Variants in CNTRL observed in about 807,000 individuals in gnomAD.
CNTRL encodes centriolin, also known as 110 kDa centrosomal protein.
A neutral mutation model predicts 303.7 loss-of-function variants in CNTRL; 233 were observed. That is an observed-to-expected ratio of 0.77 (90% CI 0.69 to 0.86). The LOEUF (loss-of-function observed/expected upper bound fraction) is 0.86, where lower values mean the gene tolerates loss of function less well. CNTRL is among the 40% of genes least tolerant of loss of function. The probability of loss-of-function intolerance (pLI) is 0.00; values close to 1 mark genes in which losing one functional copy is unlikely to be tolerated. For synonymous variants in CNTRL, 900 were observed against 922.2 expected (o/e 0.98, Z 0.44); for missense variants, 2,524 against 2,650.6 (o/e 0.95, Z 1.05).
At chr9:121,127,888 T>C (rs867831997) in intron 14 of CNTRL, among the ~76,000 whole-genome samples, 17 of 147,806 alleles carry the variant, frequency 1.2e-4, no homozygotes, top group Admixed American at 2.1e-4. Context: ...AGTGAGAACA[T>C]GCGGTGTTTG....
chr9:121,084,867 A>G (rs550984200), intron 2 of CNTRL, among the ~76,000 whole-genome samples: 4 of 152,244 alleles, frequency 2.6e-5, no homozygotes, highest in African/African-American at 7.2e-5. Flanking sequence ...TTAAGGACTA[A>G]TCAAGTCACA....
intron 43 of CNTRL, among the ~76,000 whole-genome samples, chr9:121,176,335 TGC>T (rs1285544420): frequency 6.6e-6 from 1 of 152,236 alleles, no homozygotes; most frequent in Non-Finnish European, 1.5e-5. Flanking sequence ...CTCTTTAATG[TGC>T]CCAAGGTGGG....
chr9:121,157,622 T>G (rs367608433), intron 28 of CNTRL, 22 bp downstream of exon 28: 48 of 1,611,560 alleles, frequency 3.0e-5, no homozygotes, highest in Non-Finnish European at 4.1e-5. Flanking sequence ...CCCTAAGCCG[T>G]TGATGTATAC....
intron 4 of CNTRL, among the ~76,000 whole-genome samples, chr9:121,093,696 G>A (rs1008174684): frequency 3.3e-5 from 5 of 152,206 alleles, no homozygotes; most frequent in Non-Finnish European, 2.9e-5. Context: ...ACTCTGGGCA[G>A]CAGGGAAGAA....
intron 2 of CNTRL, among the ~76,000 whole-genome samples, chr9:121,087,388 T>C (rs908715731): frequency 4.6e-5 from 7 of 152,028 alleles, no homozygotes; most frequent in African/African-American, 1.7e-4. Context: ...AAAGATTGGA[T>C]TGAGGTTATA....
At chr9:121,097,999 G>A (rs918816662) in intron 6 of CNTRL, among the ~76,000 whole-genome samples, 8 of 151,976 alleles carry the variant, frequency 5.3e-5, no homozygotes, top group Admixed American at 1.3e-4. Flanking sequence ...TTTTTGATTT[G>A]TTAAATCAGT....
At position 121,162,054 on chromosome 9, in the gene CNTRL, G is replaced by C; in HGVS notation, c.5206G>C (p.Glu1736Gln). Residue 1736 changes from glutamate to glutamine, a missense_variant and splice_region_variant, in exon 34 of 44, where the codon GAG (glutamate) becomes CAG (glutamine). Glu to Gln is a conservative substitution (Grantham distance 29). Transcript: ENST00000373855. ...TTGAGTCCTCTTTTATCTGATTTAG[G>C]AGAAACTGGAGTTAGAGAATTTGCA... ...LEKTQVAVLEEKLELENLQQI... is the reference protein window; with the variant it reads ...LEKTQVAVLEQKLELENLQQI... The C allele has an allele frequency of 6.2e-7, 1 of 1,614,116 alleles. No individual in the cohort carries two copies. Among genetic ancestry groups the C allele is most frequent in the South Asian group, 1.1e-5 (1 of 91,062 alleles).
At position 121,142,202 on chromosome 9, in the gene CNTRL, C is replaced by CTCCA. The variant is rs1247158971; in HGVS notation, c.2804_2807dup (p.Gln936HisfsTer7). 2 of 1,612,302 alleles carry CTCCA rather than the reference C, an allele frequency of 1.2e-6. No individual in the cohort carries two copies. The highest frequency in any genetic ancestry group is 1.7e-6 in the Non-Finnish European group (2 of 1,179,280). The stretch of plus-strand genomic sequence containing the variant: ...GGAGGAAATCCAAGGCCTTACAGAT[C>CTCCA]TCCAACTTCAGGAAGCTGATGAAGA... On this transcript the variant is annotated frameshift_variant, in exon 19 of 44. Transcript: ENST00000373855. LOFTEE classifies it high-confidence loss of function.
chr9:121,161,977 G>T lies in CNTRL; in HGVS notation c.5205+6G>T. 1 of 1,613,566 alleles carries T rather than the reference G, an allele frequency of 6.2e-7. No individual in the cohort carries two copies. The highest frequency in any genetic ancestry group is 1.1e-5 in the South Asian group (1 of 91,034). ...CTCAGGTGGCAGTGCTAGAGGTAATGAACAAAGCCAGTGTACCCTTAAGAA... is the reference window on the plus strand; with the variant it reads ...CTCAGGTGGCAGTGCTAGAGGTAATTAACAAAGCCAGTGTACCCTTAAGAA... On this transcript the variant is annotated splice_donor_region_variant and intron_variant, in intron 33 of 43. Transcript: ENST00000373855.
At chr9:121,096,900 A>C (rs188930501) in intron 6 of CNTRL, among the ~76,000 whole-genome samples, 2 of 152,188 alleles carry the variant, frequency 1.3e-5, no homozygotes, top group African/African-American at 4.8e-5. Context: ...GGACAGGTTA[A>C]GTCCCTTATC....
At chr9:121,153,831 C>T (rs940941285) in intron 26 of CNTRL, among the ~76,000 whole-genome samples, 1 of 152,228 alleles carries the variant, frequency 6.6e-6, no homozygotes, top group Non-Finnish European at 1.5e-5. Context: ...TCACTGCCAT[C>T]TAGCAGCAGA....
intron 17 of CNTRL, 50 bp downstream of exon 17, chr9:121,140,836 G>C (rs766172189): frequency 6.4e-7 from 1 of 1,551,796 alleles, no homozygotes; most frequent in Non-Finnish European, 8.8e-7. Flanking sequence ...CACAACTTGA[G>C]AGTTGTGAGT....
chr9:121,177,105 T>C, intron 43 of CNTRL, 58 bp from the exon 44 acceptor site: 1 of 1,416,878 alleles, frequency 7.1e-7, no homozygotes, highest in East Asian at 2.3e-5. Context: ...ATCACTTAGT[T>C]AAGACTGTTT....
At chr9:121,150,700 A>C (rs1588271092) in intron 25 of CNTRL, 1 of 522,468 alleles carries the variant, frequency 1.9e-6, no homozygotes. Flanking sequence ...AGACTGAGAC[A>C]AGAGGATTGC....
intron 8 of CNTRL, among the ~76,000 whole-genome samples, chr9:121,111,572 T>G (rs2049749007): frequency 6.6e-6 from 1 of 152,172 alleles, no homozygotes; most frequent in Non-Finnish European, 1.5e-5. Flanking sequence ...GCATGTTTTT[T>G]CTTTGATATC....
chr9:121,075,121 G>A (rs1000392379), intron 1 of CNTRL, 54 bp downstream of exon 1: 2 of 357,488 alleles, frequency 5.6e-6, no homozygotes, highest in Admixed American at 3.6e-5. Context: ...CGAGCAGTGG[G>A]GGCCGGCGGC....
In CNTRL at chr9:121,165,037, C is replaced by T. The variant is rs756110954; in HGVS notation, c.5518C>T (p.Gln1840Ter). Residue 1840 changes from glutamine to a stop codon, truncating the protein, a stop_gained, in exon 35 of 44, where the codon CAA (glutamine) becomes TAA (stop). Coordinates refer to ENST00000373855, the MANE Select transcript of CNTRL (RefSeq NM_007018.6). LOFTEE classifies it high-confidence loss of function. Reference sequence around the variant, plus strand: ...CAGAAAACTGCAGCAGGAACTAGACCAACTAAACAGAGACAAGTTGTCACT... The same window carrying T: ...CAGAAAACTGCAGCAGGAACTAGACTAACTAAACAGAGACAAGTTGTCACT... ...NVRKLQQELD[Q>*]LNRDKLSLHN... 1.0e-5 allele frequency: 16 copies of T among 1,607,836 alleles called. No individual in the cohort carries two copies. The highest frequency in any genetic ancestry group is 1.4e-5 in the Non-Finnish European group (16 of 1,177,722).
In CNTRL at chr9:121,134,689, G is replaced by C. The variant is rs552540424; in HGVS notation, c.2026-1117G>C. On this transcript the variant is annotated intron_variant, in intron 14 of 43. Transcript: ENST00000373855. ...ACATGCGTGTGTGAAATCCAGGCTGGTATTCTGTAGATTGAACCACGTTCT... is the reference window on the plus strand; with the variant it reads ...ACATGCGTGTGTGAAATCCAGGCTGCTATTCTGTAGATTGAACCACGTTCT... Among the ~76,000 whole-genome samples the C allele has an allele frequency of 9.8e-5, 15 of 152,302 alleles. No individual in the cohort carries two copies. The East Asian group carries it at 2.9e-3, about 29-fold the overall frequency.
intron 13 of CNTRL, among the ~76,000 whole-genome samples, chr9:121,124,398 C>T (rs140223351): frequency 6.6e-6 from 1 of 152,192 alleles, no homozygotes; most frequent in African/African-American, 2.4e-5. Flanking sequence ...AGCAAAGCAC[C>T]CATTGGCATC....
Sources: gnomAD v4.1 joint callset for allele counts (sites outside exome capture counted in the v4.1 genomes callset) on GRCh38, gnomAD v4.1.1 for gene constraint, MANE v1.5 for transcripts, NCBI Gene and HGNC (gene_info 2026-07-23, HGNC 2026-07-21) for gene names.